The following LENG8 variants were observed in gnomAD, a reference collection of about 807,000 sequenced individuals.
LENG8 encodes leukocyte receptor cluster (LRC) member 8.
LENG8 carries 28 observed loss-of-function variants against 102.1 expected under a neutral mutation model. The ratio of observed to expected loss-of-function variants is 0.27; its 90% CI spans 0.20 to 0.38. LENG8 has a LOEUF of 0.38. Among genes scored for constraint, LENG8 ranks in the 10% least tolerant of loss-of-function variants. The pLI is 1.00. For missense variants in LENG8, 1,022 were observed against 1,113.9 expected (o/e 0.92, Z 1.17); for synonymous variants, 531 against 456.7 (o/e 1.16, Z -2.07).
At chr19:54,454,706 G>T in intron 6 of LENG8, 24 bp downstream of exon 6, 1 of 1,569,580 alleles carries the variant, frequency 6.4e-7, no homozygotes, top group East Asian at 2.3e-5. Flanking sequence ...GCTACGTGGA[G>T]GTCCGAGCGG....
rs772315116 is a variant in LENG8, at chr19:54,456,116, G to A, written c.1175G>A (p.Arg392Gln). ...ACGCCCGGGGCTGGGGGTGCCGGTC[G>A]AGCCCGGGGCAACAGCTTCACCAAG... ...RGTPGAGGAG[R>Q]ARGNSFTKFG... The change falls in exon 9 of 16, where the codon CGA becomes CAA. Residue 392 changes from arginine to glutamine, a missense_variant. Coordinates refer to ENST00000326764, the MANE Select transcript of LENG8 (RefSeq NM_052925.4). The A allele has an allele frequency of 1.4e-5, 22 of 1,609,904 alleles. No homozygotes were observed. Among genetic ancestry groups the A allele is most frequent in the Admixed American group, 1.0e-4 (6 of 59,608 alleles).
rs200645617 is a variant in LENG8 at position 54,451,367 on chromosome 19, A to T, written c.23A>T (p.Gln8Leu). MAANVGD[Q>L]RSTDWSSQYS... ...CAGATGGCGGCCAACGTGGGTGATCAACGTAGCACAGATTGGTTAGTGAGG... is the reference window on the plus strand; with the variant it reads ...CAGATGGCGGCCAACGTGGGTGATCTACGTAGCACAGATTGGTTAGTGAGG... The change falls in exon 2 of 16, where the codon CAA (glutamine) becomes CTA (leucine). Residue 8 changes from glutamine to leucine, a missense_variant. By Grantham distance (113) the Gln-to-Leu change is moderately radical. Coordinates refer to ENST00000326764, the MANE Select transcript of LENG8 (RefSeq NM_052925.4). 15 of 1,614,192 alleles carry T rather than the reference A, an allele frequency of 9.3e-6. No homozygotes were observed. The East Asian group carries it at 3.1e-4, about 34-fold the overall frequency.
chr19:54,456,950 T>C (rs1440381769), intron 11 of LENG8, 29 bp downstream of exon 11: 19 of 1,571,814 alleles, frequency 1.2e-5, no homozygotes, highest in Non-Finnish European at 1.4e-5. Flanking sequence ...AGTTCTGCTC[T>C]GTGAGGCCGT....
Position 54,454,626 on chromosome 19 carries a change from C to A in LENG8, c.623C>A (p.Thr208Asn). ...ACGGGCCAGGCCTATGGGCCACACACCTACACCGAACCTGCCAAGCCCAAG... is the reference window on the plus strand; with the variant it reads ...ACGGGCCAGGCCTATGGGCCACACAACTACACCGAACCTGCCAAGCCCAAG... ...PATGQAYGPHTYTEPAKPKKG... is the reference protein window; with the variant it reads ...PATGQAYGPHNYTEPAKPKKG... The change falls in exon 6 of 16, where the codon ACC (threonine) becomes AAC (asparagine). Residue 208 changes from threonine (T) to asparagine (N), a missense_variant. Thr to Asn is a moderately conservative substitution (Grantham distance 65). Coordinates refer to ENST00000326764, the MANE Select transcript of LENG8 (RefSeq NM_052925.4). 1 of 1,609,468 alleles carries A rather than the reference C, an allele frequency of 6.2e-7. No individual in the cohort carries two copies. Among genetic ancestry groups the A allele is most frequent in the African/African-American group, 1.3e-5 (1 of 74,962 alleles).
At chr19:54,455,704 G>A (rs1305987464) in intron 8 of LENG8, 137 bp downstream of exon 8, 1 of 851,430 alleles carries the variant, frequency 1.2e-6, no homozygotes. Flanking sequence ...ATCCTGGGGG[G>A]ATGAAGTCCT....
chr19:54,450,333 T>C, intron 1 of LENG8, among the ~76,000 whole-genome samples: 1 of 152,166 alleles, frequency 6.6e-6, no homozygotes, highest in East Asian at 1.9e-4. Flanking sequence ...CTGTCAGTGC[T>C]AAGAACCCAT....
intron 15 of LENG8, chr19:54,460,073 C>A (rs529735941): frequency 4.0e-4 from 510 of 1,289,462 alleles, no homozygotes; most frequent in Non-Finnish European, 4.8e-4. Flanking sequence ...CCCTGCCCTG[C>A]CAGCTGAGAC....
rs1305987464 is a variant in LENG8 at position 54,455,704 on chromosome 19, G to T, written c.1025+137G>T. The T allele has an allele frequency of 4.7e-6, 4 of 851,426 alleles. No homozygotes were observed. The East Asian group carries it at 1.1e-4, about 23-fold the overall frequency. 52.7% of individuals were successfully genotyped at this position (851,426 alleles called of 1,614,324 possible). A position where few individuals can be genotyped will look rare whatever the true frequency, so the allele number is the denominator to read the frequency against. ...GAACTGGAAAGTTGGATCCTGGGGG[G>T]ATGAAGTCCTGGTTGGAGGGAGGCC... is the stretch of plus-strand genomic sequence containing the variant. On this transcript the variant is annotated intron_variant, in intron 8 of 15. Transcript: ENST00000326764.
chr19:54,457,790 A>G lies in LENG8; in HGVS notation c.1775A>G (p.Glu592Gly). 6.2e-7 allele frequency: 1 copy of G among 1,614,196 alleles called. No individual in the cohort carries two copies. Among genetic ancestry groups the G allele is most frequent in the Non-Finnish European group, 8.5e-7 (1 of 1,180,022 alleles). Residue 592 changes from glutamate to glycine, a missense_variant, in exon 12 of 16, where the codon GAG (glutamate) becomes GGG (glycine). By Grantham distance (98) the Glu-to-Gly change is moderately conservative. Coordinates refer to ENST00000326764, the MANE Select transcript of LENG8 (RefSeq NM_052925.4). ...TGCATGGTCAAGTGCCACTGGAAAG[A>G]GAAGCAGGACTACGCGTTTGCCTGC... ...SLCMVKCHWK[E>G]KQDYAFACEQ...
intron 10 of LENG8, 46 bp from the exon 11 acceptor site, chr19:54,456,590 G>C: frequency 1.3e-6 from 2 of 1,565,812 alleles, no homozygotes; most frequent in Non-Finnish European, 1.7e-6. Context: ...GGCTGAAGGG[G>C]GGCTGGAGAC....
intron 1 of LENG8, among the ~76,000 whole-genome samples, chr19:54,451,021 TCC>T (rs2083937761): frequency 1.3e-5 from 2 of 151,574 alleles, no homozygotes; most frequent in African/African-American, 2.4e-5. Context: ...CAGACCCTTC[TCC>T]TTCCCTTTGG....
Position 54,456,623 on chromosome 19 carries a change from C to A in LENG8, c.1446-13C>A. The A allele has an allele frequency of 6.2e-7, 1 of 1,602,308 alleles. No homozygotes were observed. Among genetic ancestry groups the A allele is most frequent in the Non-Finnish European group, 8.5e-7 (1 of 1,173,888 alleles). ...GACGCCTGTCGCGCTCACTGCCCCT[C>A]ATCCCTTCCTAGGCACGATCTGGCG... is the stretch of plus-strand genomic sequence containing the variant. On this transcript the variant is annotated splice_polypyrimidine_tract_variant and intron_variant, in intron 10 of 15. Coordinates refer to ENST00000326764, the MANE Select transcript of LENG8 (RefSeq NM_052925.4).
At chr19:54,454,800 G>A in intron 6 of LENG8, 118 bp downstream of exon 6, 1 of 1,424,260 alleles carries the variant, frequency 7.0e-7, no homozygotes, top group South Asian at 1.3e-5. Context: ...GCCAGGCTGG[G>A]GGTGGGGCTG....
In LENG8 at chr19:54,456,937, G is replaced by C; in HGVS notation, c.1731+16G>C. 1 of 1,596,732 alleles carries C rather than the reference G, an allele frequency of 6.3e-7. No homozygotes were observed. Among genetic ancestry groups the C allele is most frequent in the Non-Finnish European group, 8.5e-7 (1 of 1,175,362 alleles). On this transcript the variant is annotated intron_variant, in intron 11 of 15. Transcript: ENST00000326764. Reference sequence around the variant, plus strand: ...CCCTGTGGCAGTAAGTGCCCAGCAGGGCAGTTCTGCTCTGTGAGGCCGTGC... The same window carrying C: ...CCCTGTGGCAGTAAGTGCCCAGCAGCGCAGTTCTGCTCTGTGAGGCCGTGC...
chr19:54,451,637 G>A (rs2083966013), intron 2 of LENG8, among the ~76,000 whole-genome samples: 1 of 152,186 alleles, frequency 6.6e-6, no homozygotes, highest in African/African-American at 2.4e-5. Flanking sequence ...ATTCATTCAA[G>A]CAAGTGTAAT....
intron 15 of LENG8, chr19:54,459,007 C>T: frequency 6.9e-7 from 1 of 1,440,774 alleles, no homozygotes; most frequent in Admixed American, 2.8e-5. Context: ...GTGTTGAGGC[C>T]ACACTGGGCG....
intron 15 of LENG8, chr19:54,459,048 C>T: frequency 1.4e-6 from 2 of 1,423,074 alleles, no homozygotes; most frequent in Non-Finnish European, 1.8e-6. Flanking sequence ...CAGGCCATGC[C>T]CCTGCAGTGT....
At chr19:54,460,061 G>C in intron 15 of LENG8, 1 of 1,289,052 alleles carries the variant, frequency 7.8e-7, no homozygotes, top group Non-Finnish European at 1.0e-6. Context: ...CAAGGAGGCT[G>C]ACCCTGCCCT....
chr19:54,458,759 T>G (rs2084385376), intron 15 of LENG8: 1 of 1,551,192 alleles, frequency 6.4e-7, no homozygotes. Flanking sequence ...CCCAGCTCAC[T>G]GCCTCTGGGG....
Sources: allele counts gnomAD v4.1 joint callset (sites outside exome capture counted in the v4.1 genomes callset), GRCh38; gene constraint gnomAD v4.1.1; transcripts MANE v1.5; gene names NCBI Gene and HGNC (gene_info 2026-07-23, HGNC 2026-07-21).